The following SPMIP2 variants were observed in gnomAD, a reference collection of about 807,000 sequenced individuals.
SPMIP2 encodes the protein sperm microtubule inner protein 2.
At chr4:158,927,567 C>A in the SPMIP2 span, among the ~76,000 whole-genome samples, 2 of 152,224 alleles carry the variant, frequency 1.3e-5, no homozygotes, top group South Asian at 4.1e-4. Context: ...CCCTCGCTCT[C>A]GGCGCCTCCT....
chr4:159,054,165 T>C, the SPMIP2 span, among the ~76,000 whole-genome samples: 1 of 152,036 alleles, frequency 6.6e-6, no homozygotes, highest in East Asian at 1.9e-4. Flanking sequence ...TTTATTTTTG[T>C]AGAGACAGGG....
At chr4:158,904,466 G>C in the SPMIP2 span, 24 of 1,611,430 alleles carry the variant, frequency 1.5e-5, no homozygotes, top group African/African-American at 3.2e-4. Context: ...CAATATTCAG[G>C]ATTGAATCCA....
chr4:159,077,233 G>A, the SPMIP2 span, among the ~76,000 whole-genome samples: 4 of 151,224 alleles, frequency 2.6e-5, no homozygotes, highest in African/African-American at 7.3e-5. Context: ...CACAATCTCC[G>A]CCTCCCAGGT....
chr4:159,065,688 T>G, the SPMIP2 span, among the ~76,000 whole-genome samples: 1 of 152,204 alleles, frequency 6.6e-6, no homozygotes, highest in Non-Finnish European at 1.5e-5. Flanking sequence ...TGACAATGAC[T>G]AAATTCAACT....
the SPMIP2 span, among the ~76,000 whole-genome samples, chr4:159,011,241 T>C: frequency 6.6e-6 from 1 of 152,214 alleles, no homozygotes; most frequent in East Asian, 1.9e-4. Context: ...TTAGGGAACA[T>C]ATAGAATGCC....
the SPMIP2 span, among the ~76,000 whole-genome samples, chr4:158,911,390 A>AAT: frequency 5.3e-5 from 8 of 151,828 alleles, no homozygotes; most frequent in African/African-American, 1.9e-4. Context: ...AAATAAAATA[A>AAT]ATAAAAGCCC....
At chr4:159,017,720 T>A in the SPMIP2 span, among the ~76,000 whole-genome samples, 1 of 152,162 alleles carries the variant, frequency 6.6e-6, no homozygotes, top group East Asian at 1.9e-4. Flanking sequence ...CAAGATAGTT[T>A]CTGCCTGTGA....
the SPMIP2 span, among the ~76,000 whole-genome samples, chr4:159,049,159 TCA>T: frequency 6.6e-6 from 1 of 152,204 alleles, no homozygotes; most frequent in Non-Finnish European, 1.5e-5. Context: ...TAAAGCAACG[TCA>T]GTTTGTGACA....
the SPMIP2 span, among the ~76,000 whole-genome samples, chr4:159,001,707 T>C: frequency 6.6e-6 from 1 of 152,226 alleles, no homozygotes; most frequent in Non-Finnish European, 1.5e-5. Context: ...TAGTATTCCA[T>C]GTCGTATATG....
chr4:158,967,493 T>C, the SPMIP2 span, among the ~76,000 whole-genome samples: 1 of 152,226 alleles, frequency 6.6e-6, no homozygotes, highest in Non-Finnish European at 1.5e-5. Flanking sequence ...AAACACGCAC[T>C]CATCTGGGAA....
chr4:159,069,832 A>G, the SPMIP2 span, among the ~76,000 whole-genome samples: 2 of 152,160 alleles, frequency 1.3e-5, no homozygotes, highest in African/African-American at 4.8e-5. Context: ...TTGACTAACC[A>G]TTTAAATATT....
At chr4:158,967,075 C>T in the SPMIP2 span, among the ~76,000 whole-genome samples, 1 of 152,100 alleles carries the variant, frequency 6.6e-6, no homozygotes, top group Non-Finnish European at 1.5e-5. Flanking sequence ...ATACACGCCT[C>T]CCTTGATGTT....
At chr4:159,032,964 T>C in the SPMIP2 span, among the ~76,000 whole-genome samples, 10 of 152,240 alleles carry the variant, frequency 6.6e-5, no homozygotes, top group African/African-American at 2.4e-4. Context: ...CCAAATTGAT[T>C]TGAAAACATA....
chr4:159,048,731 CTTT>C, the SPMIP2 span, among the ~76,000 whole-genome samples: 51 of 111,474 alleles, frequency 4.6e-4, no homozygotes, highest in African/African-American at 1.5e-3. Flanking sequence ...TCCCCTTCCA[CTTT>C]TTTTTTTTTT....
the SPMIP2 span, among the ~76,000 whole-genome samples, chr4:158,940,415 T>C: frequency 1.3e-5 from 2 of 152,262 alleles, no homozygotes; most frequent in South Asian, 4.1e-4. Context: ...TCATCTTGGG[T>C]GGTGGTGTGT....
the SPMIP2 span, among the ~76,000 whole-genome samples, chr4:158,917,286 G>A: frequency 6.6e-6 from 1 of 151,824 alleles, no homozygotes; most frequent in African/African-American, 2.4e-5. Context: ...AACTAGCTGG[G>A]TGTGGTGGTG....
the SPMIP2 span, among the ~76,000 whole-genome samples, chr4:159,044,854 G>A: frequency 7.2e-5 from 11 of 152,232 alleles, no homozygotes; most frequent in African/African-American, 2.7e-4. Context: ...CACTTTGGGA[G>A]GCCAAGGTGG....
the SPMIP2 span, among the ~76,000 whole-genome samples, chr4:158,940,756 G>A: frequency 7.9e-5 from 12 of 152,088 alleles, no homozygotes; most frequent in Non-Finnish European, 1.5e-4. Context: ...GTATGGACTT[G>A]TGAATGTTCA....
At chr4:159,011,300 G>A in the SPMIP2 span, among the ~76,000 whole-genome samples, 2 of 152,144 alleles carry the variant, frequency 1.3e-5, no homozygotes, top group Admixed American at 6.5e-5. Flanking sequence ...TTTGATGTGT[G>A]CAAAAGGAGG....
Sources: allele counts gnomAD v4.1 joint callset (sites outside exome capture counted in the v4.1 genomes callset), GRCh38; gene constraint gnomAD v4.1.1; transcripts MANE v1.5; gene names NCBI Gene and HGNC (gene_info 2026-07-23, HGNC 2026-07-21).